The following PCCA variants were observed in gnomAD, a reference collection of about 807,000 sequenced individuals.
PCCA encodes the protein propionyl-CoA carboxylase subunit alpha, also known as propionyl-CoA carboxylase alpha chain, mitochondrial.
In PCCA, 74 loss-of-function variants were observed where a neutral mutation model predicts 101.3. The ratio of observed to expected loss-of-function variants is 0.73; its 90% CI spans 0.61 to 0.89. The LOEUF (loss-of-function observed/expected upper bound fraction) is 0.89. Among genes scored for constraint, PCCA ranks in the 40% least tolerant of loss-of-function variants. The pLI, the probability that PCCA is intolerant of heterozygous loss-of-function variation, is 0.00. For missense variants in PCCA, 891 were observed against 907.0 expected, an observed-to-expected ratio of 0.98 and a Z score of 0.23; for synonymous variants, 294 against 313.6, an observed-to-expected ratio of 0.94 and a Z score of 0.66.
intron 7 of PCCA, among the ~76,000 whole-genome samples, chr13:100,220,501 C>A (rs1160554632): frequency 6.7e-6 from 1 of 149,880 alleles, no homozygotes; most frequent in Non-Finnish European, 1.5e-5. Flanking sequence ...GAACTCCTTA[C>A]TTCAAGTGAT....
At chr13:100,445,853 A>G (rs1408092534) in intron 20 of PCCA, among the ~76,000 whole-genome samples, 3 of 152,200 alleles carry the variant, frequency 2.0e-5, no homozygotes, top group African/African-American at 4.8e-5. Flanking sequence ...CTTGGCCATC[A>G]TGAATAGTGC....
rs180681569 is a variant in PCCA, at chr13:100,265,523, A to G, written c.819+2692A>G. ...CTTTAGGTTCTTTGAATTTCCGTGA[A>G]AAGTTTAGACTTCACCTGTCAACCT... is the stretch of plus-strand genomic sequence containing the variant. On this transcript the variant is annotated intron_variant, in intron 10 of 23. Coordinates refer to ENST00000376285, the MANE Select transcript of PCCA (RefSeq NM_000282.4). Among the ~76,000 whole-genome samples, 8 of 152,236 alleles carry G rather than the reference A, an allele frequency of 5.3e-5. No homozygotes were observed. The East Asian group carries it at 1.5e-3, about 29-fold the overall frequency.
At chr13:100,449,398 G>A in intron 21 of PCCA, 93 bp downstream of exon 21, 4 of 693,146 alleles carry the variant, frequency 5.8e-6, no homozygotes, top group South Asian at 5.5e-5. Flanking sequence ...CTTCATTACT[G>A]CTAGATATTT....
At chr13:100,325,417 G>C (rs147702293) in intron 16 of PCCA, among the ~76,000 whole-genome samples, 45,428 of 152,000 alleles carry the variant, frequency 0.3, 8,172 homozygotes, top group Middle Eastern at 0.46. Flanking sequence ...GACAAAATGT[G>C]AAGGGGAAGC....
intron 16 of PCCA, among the ~76,000 whole-genome samples, chr13:100,314,906 A>G (rs1185004359): frequency 6.6e-6 from 1 of 152,190 alleles, no homozygotes; most frequent in Non-Finnish European, 1.5e-5. Flanking sequence ...AATTGGTGAG[A>G]TTTGAATAAG....
At chr13:100,145,004 A>G (rs566865386) in intron 4 of PCCA, among the ~76,000 whole-genome samples, 152 of 152,326 alleles carry the variant, frequency 1.0e-3, no homozygotes, top group African/African-American at 3.5e-3. Context: ...TTCCACACTC[A>G]GTGTCCATGA....
intron 21 of PCCA, among the ~76,000 whole-genome samples, chr13:100,509,801 G>T (rs1245585286): frequency 7.3e-6 from 1 of 136,230 alleles, no homozygotes. Flanking sequence ...GCATAGTGGT[G>T]GTGTGGGTTT....
intron 12 of PCCA, among the ~76,000 whole-genome samples, chr13:100,297,178 T>C (rs2065614682): frequency 6.6e-6 from 1 of 152,348 alleles, no homozygotes; most frequent in Non-Finnish European, 1.5e-5. Context: ...ATTGGTGGTG[T>C]TGGCTTTGTT....
intron 18 of PCCA, among the ~76,000 whole-genome samples, chr13:100,364,076 T>C (rs2074925067): frequency 6.6e-6 from 1 of 152,238 alleles, no homozygotes; most frequent in South Asian, 2.1e-4. Context: ...GAGTTCTTTT[T>C]TACTGGGGTT....
intron 6 of PCCA, among the ~76,000 whole-genome samples, chr13:100,160,123 A>G (rs1338373682): frequency 6.6e-6 from 1 of 152,188 alleles, no homozygotes; most frequent in Non-Finnish European, 1.5e-5. Flanking sequence ...AAACACACCA[A>G]ACTTTACAAG....
chr13:100,109,725 G>A (rs778214853), intron 2 of PCCA, among the ~76,000 whole-genome samples: 3 of 152,126 alleles, frequency 2.0e-5, no homozygotes, highest in Non-Finnish European at 4.4e-5. Flanking sequence ...TATTTTTAAG[G>A]CAGGGGCTTG....
At chr13:100,441,996 T>TA (rs1280829724) in intron 20 of PCCA, among the ~76,000 whole-genome samples, 8 of 138,296 alleles carry the variant, frequency 5.8e-5, no homozygotes, top group Non-Finnish European at 1.1e-4. Flanking sequence ...TTTCTTTTTT[T>TA]TTTTTTTTTA....
At chr13:100,450,809 T>C (rs1277189559) in intron 21 of PCCA, among the ~76,000 whole-genome samples, 2 of 152,234 alleles carry the variant, frequency 1.3e-5, no homozygotes, top group Non-Finnish European at 1.5e-5. Context: ...CTAAGTTTTG[T>C]GATTATTCTT....
At position 100,257,692 on chromosome 13, in the gene PCCA, T is replaced by A. The variant is rs201320992; in HGVS notation, c.716+19T>A. 1.3e-6 allele frequency: 2 copies of A among 1,589,410 alleles called. No individual in the cohort carries two copies. The highest frequency in any genetic ancestry group is 2.2e-5 in the South Asian group (2 of 90,178). On this transcript the variant is annotated intron_variant, in intron 9 of 23. Coordinates refer to ENST00000376285, the MANE Select transcript of PCCA (RefSeq NM_000282.4). ...AGACCAGGTGAGAGGCTGTCCAAAA[T>A]ATACTTTTGATGAAAATTGCAGTTA...
chr13:100,220,288 C>G (rs1036756528), intron 7 of PCCA, among the ~76,000 whole-genome samples: 2 of 152,036 alleles, frequency 1.3e-5, no homozygotes, highest in African/African-American at 4.8e-5. Context: ...AGACAAGAGT[C>G]TCTTTCTGTC....
At chr13:100,302,790 C>A (rs1165965750) in intron 13 of PCCA, 134 bp from the exon 14 acceptor site, 1 of 706,594 alleles carries the variant, frequency 1.4e-6, no homozygotes, top group African/African-American at 1.8e-5. Context: ...CAATAATATT[C>A]TGAAATCTGT....
chr13:100,355,466 A>T (rs1244648837), intron 18 of PCCA, among the ~76,000 whole-genome samples: 3 of 152,054 alleles, frequency 2.0e-5, no homozygotes, highest in Non-Finnish European at 2.9e-5. Flanking sequence ...GAGTCCTGGA[A>T]GGATACAGGA....
Position 100,303,691 on chromosome 13 carries a change from T to C in PCCA, c.1284+693T>C, listed in dbSNP as rs183772600. ...GTACCATCTGTGAATATTCAAATTA[T>C]TCATTTTGATTACTGGCATGAAGAT... On this transcript the variant is annotated intron_variant, in intron 14 of 23. Coordinates refer to ENST00000376285, the MANE Select transcript of PCCA (RefSeq NM_000282.4). Among the ~76,000 whole-genome samples, 11 of 152,304 alleles carry C rather than the reference T, an allele frequency of 7.2e-5. No homozygotes were observed. The East Asian group carries it at 2.1e-3, about 29-fold the overall frequency.
chr13:100,316,723 A>G (rs1250475174), intron 16 of PCCA, among the ~76,000 whole-genome samples: 1 of 152,186 alleles, frequency 6.6e-6, no homozygotes, highest in Non-Finnish European at 1.5e-5. Context: ...TAGGCTATAA[A>G]CATGAAAGCC....
Sources: gnomAD v4.1 joint callset for allele counts (sites outside exome capture counted in the v4.1 genomes callset) on GRCh38, gnomAD v4.1.1 for gene constraint, MANE v1.5 for transcripts, NCBI Gene and HGNC (gene_info 2026-07-23, HGNC 2026-07-21) for gene names.